Variants in ABCB1 observed in about 807,000 individuals in gnomAD.
ABCB1 encodes ATP binding cassette subfamily B member 1, also known as ATP-dependent translocase ABCB1.
Under a neutral mutation model 142.0 loss-of-function variants are expected in ABCB1, and 69 were observed. The ratio of observed to expected loss-of-function variants is 0.49; its 90% confidence interval spans 0.40 to 0.59. The LOEUF (loss-of-function observed/expected upper bound fraction) is 0.59, where lower values mean the gene tolerates loss of function less well. Ranked by LOEUF, ABCB1 falls within the 20% of genes least tolerant of loss-of-function variation. The pLI, the probability that ABCB1 is intolerant of heterozygous loss-of-function variation, is 0.00. For synonymous variants in ABCB1, 532 were observed against 539.2 expected (o/e 0.99, Z 0.18); for missense variants, 1,326 against 1,554.7 (o/e 0.85, Z 2.47).
In ABCB1 at chr7:87,553,752, A is replaced by G. The variant is rs1218396574; in HGVS notation, c.999+9T>C. 11 of 1,612,484 alleles carry G rather than the reference A, an allele frequency of 6.8e-6. No homozygotes were observed. Among genetic ancestry groups the G allele is most frequent in the Non-Finnish European group, 9.3e-6 (11 of 1,178,510 alleles). On this transcript the variant is annotated intron_variant, in intron 9 of 27. Transcript: ENST00000622132. The stretch of plus-strand genomic sequence containing the variant: ...AATAATGGTTCATTTCTCAATGTAA[A>G]CCACTTACAGTGAGTACTTGTCCAA...
intron 7 of ABCB1, chr7:87,564,009 A>G: frequency 3.3e-6 from 1 of 301,352 alleles, no homozygotes; most frequent in South Asian, 3.0e-5. Flanking sequence ...ACTGGGGCCT[A>G]TTAGAGGGTG....
chr7:87,595,764 A>G lies in ABCB1; in HGVS notation c.117+2T>C. On this transcript the variant is annotated splice_donor_variant, in intron 3 of 27. Transcript: ENST00000622132. LOFTEE classifies it high-confidence loss of function. ...TGAATAGTTAATAAATTCAAAACTC[A>G]CCATTGAAAATACACTGACAGTTGG... is the stretch of plus-strand genomic sequence containing the variant. The G allele has an allele frequency of 6.2e-7, 1 of 1,605,034 alleles. No homozygotes were observed. Among genetic ancestry groups the G allele is most frequent in the Non-Finnish European group, 8.5e-7 (1 of 1,172,250 alleles).
chr7:87,591,812 T>A (rs1275648262), intron 3 of ABCB1, among the ~76,000 whole-genome samples: 1 of 151,908 alleles, frequency 6.6e-6, no homozygotes, highest in African/African-American at 2.4e-5. Context: ...ATAAAAAAAA[T>A]TTGAAAATGG....
Position 87,550,039 on chromosome 7 carries a change from G to C in ABCB1, c.1366C>G (p.Gln456Glu), listed in dbSNP as rs1475629891. 6.2e-7 allele frequency: 1 copy of C among 1,614,026 alleles called. No individual in the cohort carries two copies. The highest frequency in any genetic ancestry group is 1.3e-5 in the African/African-American group (1 of 74,918). Residue 456 changes from glutamine (Q) to glutamate (E), a missense_variant, in exon 13 of 28, where the codon CAG becomes GAG. Gln to Glu is a conservative substitution (Grantham distance 29). Coordinates refer to ENST00000622132, the MANE Select transcript of ABCB1 (RefSeq NM_001348946.2). ...CTTACATTTATGGTCCTAATATCCT[G>C]TCCATCAACACTGACCTGGAATAAA... ...PTEGMVSVDG[Q>E]DIRTINVRFL...
At chr7:87,521,517 A>T in intron 21 of ABCB1, 1 of 754,870 alleles carries the variant, frequency 1.3e-6, no homozygotes, top group Non-Finnish European at 2.5e-6. Context: ...TCTTCATTGG[A>T]GGTTGAGCTC....
intron 1 of ABCB1, among the ~76,000 whole-genome samples, chr7:87,674,801 G>T (rs1202323434): frequency 6.6e-6 from 1 of 152,158 alleles, no homozygotes; most frequent in Non-Finnish European, 1.5e-5. Context: ...TAGCTGACAG[G>T]AGGGTGCTTA....
At chr7:87,659,601 AGAG>A (rs1824486166) in intron 1 of ABCB1, among the ~76,000 whole-genome samples, 2 of 152,146 alleles carry the variant, frequency 1.3e-5, no homozygotes, top group East Asian at 3.9e-4. Context: ...AGAACACTCA[AGAG>A]GAGAAGGATA....
chr7:87,686,951 G>GAAAAAAAAAAA (rs1202632144), intron 1 of ABCB1, among the ~76,000 whole-genome samples: 1 of 69,230 alleles, frequency 1.4e-5, no homozygotes, highest in Admixed American at 1.6e-4. Context: ...ATCTCCAAAA[G>GAAAAAAAAAAA]AAAAAAAAAA....
intron 1 of ABCB1, among the ~76,000 whole-genome samples, chr7:87,650,198 T>C (rs1282952541): frequency 6.6e-6 from 1 of 152,170 alleles, no homozygotes; most frequent in African/African-American, 2.4e-5. Context: ...TTTAGTTAGG[T>C]CACATTTTGA....
chr7:87,545,865 G>T lies in ABCB1; in HGVS notation c.1885C>A (p.Gln629Lys). 1 of 1,614,000 alleles carries T rather than the reference G, an allele frequency of 6.2e-7. No homozygotes were observed. The highest frequency in any genetic ancestry group is 1.1e-5 in the South Asian group (1 of 91,072). ...AAAATTCTGAAGTTAAACTATACCT[G>T]CATTGTGACAAGTTTGAAGTAAATG... ...KGIYFKLVTM[Q>K]TAGNEVELEN... Residue 629 changes from glutamine (Q) to lysine (K), a missense_variant and splice_region_variant, in exon 15 of 28, where the codon CAG becomes AAG. Coordinates refer to ENST00000622132, the MANE Select transcript of ABCB1 (RefSeq NM_001348946.2).
chr7:87,673,612 C>T (rs900644991), intron 1 of ABCB1, among the ~76,000 whole-genome samples: 3 of 152,144 alleles, frequency 2.0e-5, no homozygotes, highest in Non-Finnish European at 4.4e-5. Flanking sequence ...CTTCTGTATC[C>T]GTTTGTCATA....
chr7:87,679,425 G>C (rs1247501663), intron 1 of ABCB1, among the ~76,000 whole-genome samples: 1 of 149,294 alleles, frequency 6.7e-6, no homozygotes, highest in African/African-American at 2.5e-5. Context: ...ATCTCACCCT[G>C]TCACCCAGGT....
rs200378616 is a variant in ABCB1, at chr7:87,544,938, G to C, written c.1949C>G (p.Ala650Gly). ...TGAATCATTTGAAGACATTTCCAAG[G>C]CATCAATTTCACTTTTGGATTCATC... ...AADESKSEID[A>G]LEMSSNDSRS... The change falls in exon 16 of 28, where the codon GCC (alanine) becomes GGC (glycine). Residue 650 changes from alanine to glycine, a missense_variant. Physicochemically the swap from Ala to Gly is moderately conservative, Grantham distance 60. Coordinates refer to ENST00000622132, the MANE Select transcript of ABCB1 (RefSeq NM_001348946.2). 2.7e-5 allele frequency: 44 copies of C among 1,613,900 alleles called. No individual in the cohort carries two copies. Among genetic ancestry groups the C allele is most frequent in the Admixed American group, 1.3e-4 (8 of 60,016 alleles).
intron 1 of ABCB1, among the ~76,000 whole-genome samples, chr7:87,628,034 G>C (rs1820777443): frequency 6.6e-6 from 1 of 152,220 alleles, no homozygotes; most frequent in Non-Finnish European, 1.5e-5. Context: ...GGTCGGGTGT[G>C]GGAGCCGGCG....
intron 1 of ABCB1, among the ~76,000 whole-genome samples, chr7:87,677,345 A>AG (rs1412706710): frequency 5.3e-5 from 8 of 151,866 alleles, no homozygotes; most frequent in Non-Finnish European, 1.0e-4. Context: ...TAAAAAAAAA[A>AG]AAAAAGGAAA....
In ABCB1 at chr7:87,624,093, C is replaced by T. The variant is rs1019735873; in HGVS notation, c.-330-23015G>A. Among the ~76,000 whole-genome samples the T allele has an allele frequency of 2.6e-5, 4 of 152,134 alleles. No homozygotes were observed. In the South Asian group the frequency reaches 8.3e-4, roughly 32 times the overall value. ...TGAGTTTTAAAAATGTTTTCTCGGT[C>T]TCATTTACTTTTGACTTTGCTTATG... On this transcript the variant is annotated intron_variant, in intron 1 of 28. Coordinates refer to the ABCB1 transcript ENST00000265724.
chr7:87,612,699 C>A (rs1163265613), intron 1 of ABCB1, among the ~76,000 whole-genome samples: 3 of 152,122 alleles, frequency 2.0e-5, no homozygotes, highest in African/African-American at 7.2e-5. Flanking sequence ...TAATGTGATG[C>A]TTCCAGATTT....
chr7:87,578,681 G>T (rs1818374330), intron 4 of ABCB1, among the ~76,000 whole-genome samples: 1 of 147,090 alleles, frequency 6.8e-6, no homozygotes, highest in Admixed American at 7.0e-5. Context: ...AATAGTAAAT[G>T]AGACTACTTT....
chr7:87,585,780 A>G, intron 3 of ABCB1, 100 bp from the exon 4 acceptor site: 1 of 1,297,854 alleles, frequency 7.7e-7, no homozygotes, highest in Non-Finnish European at 1.1e-6. Context: ...AACATTTTTC[A>G]GACTACTACT....
Sources: allele counts gnomAD v4.1 joint callset (sites outside exome capture counted in the v4.1 genomes callset), GRCh38; gene constraint gnomAD v4.1.1; transcripts MANE v1.5; gene names NCBI Gene and HGNC (gene_info 2026-07-23, HGNC 2026-07-21).